The following KPNA5 variants were observed in gnomAD, a reference collection of about 807,000 sequenced individuals.
KPNA5 encodes karyopherin subunit alpha 5, also known as importin subunit alpha-6.
KPNA5 carries 46 observed loss-of-function variants against 71.3 expected under a neutral mutation model. The observed-to-expected ratio is 0.65, with a 90% CI of 0.51 to 0.83. The LOEUF (loss-of-function observed/expected upper bound fraction) is 0.83, where lower values mean the gene tolerates loss of function less well. Among genes scored for constraint, KPNA5 ranks in the 40% least tolerant of loss-of-function variants. The pLI, the probability that KPNA5 is intolerant of heterozygous loss-of-function variation, is 0.00. For synonymous variants in KPNA5, 207 were observed against 201.4 expected (o/e 1.03, Z -0.24); for missense variants, 547 against 628.3 (o/e 0.87, Z 1.38).
intron 8 of KPNA5, among the ~76,000 whole-genome samples, chr6:116,719,761 G>GA (rs1184752192): frequency 6.6e-6 from 1 of 152,146 alleles, no homozygotes; most frequent in African/African-American, 2.4e-5. Flanking sequence ...AGATGGGGAG[G>GA]ATTGCTTGAT....
At chr6:116,712,037 G>T (rs1778709148) in intron 7 of KPNA5, among the ~76,000 whole-genome samples, 1 of 152,136 alleles carries the variant, frequency 6.6e-6, no homozygotes, top group Non-Finnish European at 1.5e-5. Flanking sequence ...CCGCCCCCAG[G>T]TTTAAGTGAT....
At chr6:116,707,302 T>G (rs1485842780) in intron 7 of KPNA5, among the ~76,000 whole-genome samples, 1 of 152,210 alleles carries the variant, frequency 6.6e-6, no homozygotes, top group Non-Finnish European at 1.5e-5. Context: ...TAGTATTCAT[T>G]TGATTCTCAG....
At chr6:116,724,953 C>A (rs1014208672) in intron 10 of KPNA5, among the ~76,000 whole-genome samples, 1 of 152,108 alleles carries the variant, frequency 6.6e-6, no homozygotes, top group Non-Finnish European at 1.5e-5. Context: ...TTATTTAACA[C>A]GTTAGATTCT....
chr6:116,739,016 A>G lies in KPNA5; in HGVS notation c.*6693A>G, dbSNP rs1465414668. 6 of 151,852 alleles carry G rather than the reference A, an allele frequency of 4.0e-5. No individual in the cohort carries two copies. Among genetic ancestry groups the G allele is most frequent in the African/African-American group, 1.5e-4 (6 of 41,332 alleles). The allele number at this position is 151,852 out of a possible 1,614,324, so 9.4% of individuals were successfully genotyped here. A position where few individuals can be genotyped will look rare whatever the true frequency, so the allele number is the denominator to read the frequency against. Reference sequence around the variant, plus strand: ...GTTCTGGCCAGGGCAATTAGGCAGGAGAAGGAAATAAAGGGTATTCAATTA... The same window carrying G: ...GTTCTGGCCAGGGCAATTAGGCAGGGGAAGGAAATAAAGGGTATTCAATTA... On this transcript the variant is annotated 3_prime_UTR_variant, in exon 14 of 14. Coordinates refer to ENST00000368564, the MANE Select transcript of KPNA5 (RefSeq NM_001366306.2).
chr6:116,716,076 C>T, intron 7 of KPNA5, 143 bp from the exon 8 acceptor site: 1 of 623,972 alleles, frequency 1.6e-6, no homozygotes, highest in Non-Finnish European at 2.8e-6. Flanking sequence ...CTTGTGAAAA[C>T]ATAATGAATT....
At chr6:116,728,291 T>C (rs1779354738) in intron 12 of KPNA5, among the ~76,000 whole-genome samples, 1 of 152,196 alleles carries the variant, frequency 6.6e-6, no homozygotes, top group Admixed American at 6.6e-5. Context: ...TTTTTGTGGT[T>C]ATATCTATTC....
At chr6:116,705,850 G>A (rs1473493356) in intron 7 of KPNA5, among the ~76,000 whole-genome samples, 1 of 152,168 alleles carries the variant, frequency 6.6e-6, no homozygotes, top group Non-Finnish European at 1.5e-5. Flanking sequence ...CTCTCCAGCT[G>A]AGGAATTGAA....
rs1028484552 is a variant in KPNA5 at position 116,736,775 on chromosome 6, A to G, written c.*4452A>G. Reference sequence around the variant, plus strand: ...CATTTTTGGTTATTTTTCATTTTGTATAGTTTTCATTGTTTCGTCTTCAAG... The same window carrying G: ...CATTTTTGGTTATTTTTCATTTTGTGTAGTTTTCATTGTTTCGTCTTCAAG... On this transcript the variant is annotated 3_prime_UTR_variant, in exon 14 of 14. Coordinates refer to ENST00000368564, the MANE Select transcript of KPNA5 (RefSeq NM_001366306.2). 1.3e-5 allele frequency: 2 copies of G among 151,884 alleles called. No individual in the cohort carries two copies. Among genetic ancestry groups the G allele is most frequent in the Admixed American group, 6.6e-5 (1 of 15,182 alleles). 9.4% of individuals were successfully genotyped at this position (151,884 alleles called of 1,614,324 possible).
In KPNA5 at chr6:116,736,738, T is replaced by A. The variant is rs1207832671; in HGVS notation, c.*4415T>A. ...TGCCTGAAATACTCACACAGCTTATTAATGCTTTGCTCATTTTTGGTTATT... is the reference window on the plus strand; with the variant it reads ...TGCCTGAAATACTCACACAGCTTATAAATGCTTTGCTCATTTTTGGTTATT... On this transcript the variant is annotated 3_prime_UTR_variant, in exon 14 of 14. Coordinates refer to ENST00000368564, the MANE Select transcript of KPNA5 (RefSeq NM_001366306.2). The A allele has an allele frequency of 6.6e-6, 1 of 152,000 alleles. No individual in the cohort carries two copies. The highest frequency in any genetic ancestry group is 1.9e-4 in the East Asian group (1 of 5,202). 9.4% of individuals were successfully genotyped at this position (152,000 alleles called of 1,614,324 possible). A position where few individuals can be genotyped will look rare whatever the true frequency, so the allele number is the denominator to read the frequency against.
intron 12 of KPNA5, among the ~76,000 whole-genome samples, chr6:116,727,193 C>G (rs1292978619): frequency 6.6e-6 from 1 of 151,726 alleles, no homozygotes; most frequent in Non-Finnish European, 1.5e-5. Flanking sequence ...ATTTCAAATC[C>G]TGCTCCTTCA....
chr6:116,687,856 A>C (rs76913541), intron 1 of KPNA5, among the ~76,000 whole-genome samples: 2 of 152,066 alleles, frequency 1.3e-5, no homozygotes, highest in African/African-American at 2.4e-5. Context: ...CATCTTTCCT[A>C]TCTCTCTCTC....
In KPNA5 at chr6:116,702,002, CT is replaced by C. The variant is rs570723322; in HGVS notation, c.436-9del. 223 of 1,591,148 alleles carry C rather than the reference CT, an allele frequency of 1.4e-4. No individual in the cohort carries two copies. The African/African-American group carries it at 2.5e-3, about 18-fold the overall frequency. On this transcript the variant is annotated splice_polypyrimidine_tract_variant and intron_variant, in intron 5 of 13. Transcript: ENST00000368564. ...TCTTTGGTTCTTTCATTTATTTTAC[CT>C]TTTTTTTCTTCTTAGTTTGAAGCTG...
chr6:116,720,222 G>A (rs1779051036), intron 8 of KPNA5, among the ~76,000 whole-genome samples: 1 of 152,178 alleles, frequency 6.6e-6, no homozygotes, highest in East Asian at 1.9e-4. Flanking sequence ...GGAGTTGATG[G>A]TGGGGAGATA....
Position 116,722,208 on chromosome 6 carries a change from C to G in KPNA5, c.839C>G (p.Ser280Cys). The G allele has an allele frequency of 6.2e-7, 1 of 1,613,390 alleles. No individual in the cohort carries two copies. The highest frequency in any genetic ancestry group is 8.5e-7 in the Non-Finnish European group (1 of 1,179,586). The stretch of plus-strand genomic sequence containing the variant: ...TTAGCAGACGTGTGTTGGGCCCTTT[C>G]TTATCTCTCCGATGGACCCAATGAT... ...DVLADVCWAL[S>C]YLSDGPNDKI... The change falls in exon 9 of 14, where the codon TCT becomes TGT. Residue 280 changes from serine (S) to cysteine (C), a missense_variant. Ser to Cys is a moderately radical substitution (Grantham distance 112). Transcript: ENST00000368564.
chr6:116,739,744 G>A lies in KPNA5; in HGVS notation c.*7421G>A, dbSNP rs1377965068. 1 of 151,660 alleles carries A rather than the reference G, an allele frequency of 6.6e-6. No homozygotes were observed. Among genetic ancestry groups the A allele is most frequent in the Admixed American group, 6.6e-5 (1 of 15,250 alleles). 9.4% of individuals were successfully genotyped at this position (151,660 alleles called of 1,614,324 possible). A position where few individuals can be genotyped will look rare whatever the true frequency, so the allele number is the denominator to read the frequency against. On this transcript the variant is annotated 3_prime_UTR_variant, in exon 14 of 14. Coordinates refer to ENST00000368564, the MANE Select transcript of KPNA5 (RefSeq NM_001366306.2). ...CAAACCTGAGAAAAACAAGCAATGG[G>A]GAAAGGATTCCCTATTTAATAAATG...
chr6:116,694,771 T>G (rs1228772222), intron 4 of KPNA5, among the ~76,000 whole-genome samples: 1 of 152,144 alleles, frequency 6.6e-6, no homozygotes, highest in African/African-American at 2.4e-5. Flanking sequence ...CATTTAAATT[T>G]TTCTCAATTT....
chr6:116,706,663 T>C (rs562580544), intron 7 of KPNA5, among the ~76,000 whole-genome samples: 1 of 152,108 alleles, frequency 6.6e-6, no homozygotes, highest in South Asian at 2.1e-4. Context: ...CACTCCAGCC[T>C]GGGCAACAAG....
chr6:116,721,411 C>T (rs1779101886), intron 8 of KPNA5, among the ~76,000 whole-genome samples: 2 of 151,928 alleles, frequency 1.3e-5, no homozygotes, highest in African/African-American at 4.8e-5. Context: ...CCTCGGCCTC[C>T]CAAAGTGCTG....
At chr6:116,722,373 A>G in intron 9 of KPNA5, 84 bp downstream of exon 9, 1 of 1,067,662 alleles carries the variant, frequency 9.4e-7, no homozygotes, top group Non-Finnish European at 1.3e-6. Context: ...AAATATCTCA[A>G]GAGTCACTGT....
Sources: allele counts gnomAD v4.1 joint callset (sites outside exome capture counted in the v4.1 genomes callset), GRCh38; gene constraint gnomAD v4.1.1; transcripts MANE v1.5; gene names NCBI Gene and HGNC (gene_info 2026-07-23, HGNC 2026-07-21).